Variants in NSMCE2 observed in about 807,000 individuals in gnomAD.
NSMCE2 encodes NSE2 SUMO ligase component of SMC5/6 complex.
A neutral mutation model predicts 23.8 loss-of-function variants in NSMCE2; 24 were observed. That is an observed-to-expected ratio of 1.01 (90% CI 0.73 to 1.42). The LOEUF (loss-of-function observed/expected upper bound fraction) is 1.42, where lower values mean the gene tolerates loss of function less well. Ranked by LOEUF, NSMCE2 falls within the 40% of genes most tolerant of loss-of-function variation. The probability of loss-of-function intolerance (pLI) is 0.00; values close to 1 mark genes in which losing one functional copy is unlikely to be tolerated. For missense variants in NSMCE2, 284 were observed against 296.5 expected (o/e 0.96, Z 0.31); for synonymous variants, 92 against 94.1 (o/e 0.98, Z 0.13).
At chr8:125,101,918 A>G (rs1307424724) in intron 1 of NSMCE2, 133 bp from the exon 2 acceptor site, 3 of 155,166 alleles carry the variant, frequency 1.9e-5, no homozygotes, top group African/African-American at 7.2e-5. Context: ...GGTTTTCAAA[A>G]TAGTTTACTA....
chr8:125,201,589 G>A (rs1015760335), intron 5 of NSMCE2, among the ~76,000 whole-genome samples: 7 of 152,194 alleles, frequency 4.6e-5, no homozygotes, highest in Non-Finnish European at 8.8e-5. Context: ...GCACCCGCCT[G>A]TATGAGTTGT....
At chr8:125,221,529 C>T (rs190906886) in intron 5 of NSMCE2, among the ~76,000 whole-genome samples, 1 of 152,362 alleles carries the variant, frequency 6.6e-6, no homozygotes, top group Non-Finnish European at 1.5e-5. Context: ...CAGGCATGAG[C>T]CACTGTGCCC....
At chr8:125,118,778 A>G (rs1248062694) in intron 3 of NSMCE2, among the ~76,000 whole-genome samples, 3 of 152,210 alleles carry the variant, frequency 2.0e-5, no homozygotes, top group Admixed American at 2.0e-4. Flanking sequence ...AATGAGGACT[A>G]TACCTCTCAC....
chr8:125,325,676 G>T (rs1206308901), intron 5 of NSMCE2, among the ~76,000 whole-genome samples: 1 of 152,142 alleles, frequency 6.6e-6, no homozygotes, highest in African/African-American at 2.4e-5. Context: ...ATGAAGTTGG[G>T]TGCAGTGGCT....
At chr8:125,134,836 T>C (rs1210482734) in intron 3 of NSMCE2, among the ~76,000 whole-genome samples, 2 of 151,888 alleles carry the variant, frequency 1.3e-5, no homozygotes, top group Non-Finnish European at 2.9e-5. Flanking sequence ...CCAGTGATCT[T>C]CCTGTCTCAG....
chr8:125,290,266 C>T (rs539837548), intron 5 of NSMCE2, among the ~76,000 whole-genome samples: 1 of 151,638 alleles, frequency 6.6e-6, no homozygotes, highest in Non-Finnish European at 1.5e-5. Flanking sequence ...TTAGTCAAAA[C>T]GTGACTGAAA....
intron 5 of NSMCE2, among the ~76,000 whole-genome samples, chr8:125,236,335 G>A (rs1459980635): frequency 1.3e-5 from 2 of 151,548 alleles, no homozygotes; most frequent in Admixed American, 1.3e-4. Context: ...TTACAACAAA[G>A]GATTAAATGT....
intron 3 of NSMCE2, among the ~76,000 whole-genome samples, chr8:125,122,275 A>G (rs1347406496): frequency 6.6e-6 from 1 of 151,918 alleles, no homozygotes; most frequent in Non-Finnish European, 1.5e-5. Context: ...GATCCTTACT[A>G]GGATTGTAAG....
chr8:125,256,663 C>A (rs1276942337), intron 5 of NSMCE2, among the ~76,000 whole-genome samples: 1 of 152,014 alleles, frequency 6.6e-6, no homozygotes, highest in East Asian at 1.9e-4. Flanking sequence ...CGGTGGCTCA[C>A]GCCTGTAATC....
At chr8:125,217,759 G>A (rs777428185) in intron 5 of NSMCE2, among the ~76,000 whole-genome samples, 5 of 152,080 alleles carry the variant, frequency 3.3e-5, no homozygotes, top group Non-Finnish European at 5.9e-5. Flanking sequence ...GCTGTGCTGA[G>A]GTACTTAGTG....
intron 5 of NSMCE2, among the ~76,000 whole-genome samples, chr8:125,225,576 A>G (rs370733026): frequency 7.9e-5 from 12 of 152,242 alleles, no homozygotes; most frequent in African/African-American, 2.9e-4. Context: ...CTAAGGGTAC[A>G]GTGAGCAGAG....
intron 5 of NSMCE2, among the ~76,000 whole-genome samples, chr8:125,277,502 T>C (rs928875321): frequency 5.9e-5 from 9 of 151,802 alleles, no homozygotes; most frequent in Non-Finnish European, 1.2e-4. Flanking sequence ...TGTCATCTTC[T>C]TCTTCTTCTT....
At chr8:125,267,958 G>T (rs1283852093) in intron 5 of NSMCE2, among the ~76,000 whole-genome samples, 1 of 152,000 alleles carries the variant, frequency 6.6e-6, no homozygotes, top group Non-Finnish European at 1.5e-5. Flanking sequence ...GCTGGGTGTG[G>T]TGGCTCACAA....
intron 5 of NSMCE2, among the ~76,000 whole-genome samples, chr8:125,204,333 C>G (rs960399483): frequency 6.6e-6 from 1 of 152,226 alleles, no homozygotes; most frequent in Non-Finnish European, 1.5e-5. Context: ...TGGCAACCTT[C>G]CTTGCCCAGT....
At chr8:125,199,800 T>C (rs1823787080) in intron 5 of NSMCE2, among the ~76,000 whole-genome samples, 1 of 152,192 alleles carries the variant, frequency 6.6e-6, no homozygotes, top group Non-Finnish European at 1.5e-5. Context: ...GTTATTATTG[T>C]GTGGGAGTCT....
intron 5 of NSMCE2, among the ~76,000 whole-genome samples, chr8:125,236,817 C>CTT (rs926985848): frequency 6.9e-6 from 1 of 145,362 alleles, no homozygotes; most frequent in Non-Finnish European, 1.5e-5. Context: ...TTCTTTCTTT[C>CTT]TTTTTTTTTT....
chr8:125,175,592 C>T (rs1822446496), intron 4 of NSMCE2, among the ~76,000 whole-genome samples: 1 of 152,122 alleles, frequency 6.6e-6, no homozygotes, highest in Non-Finnish European at 1.5e-5. Flanking sequence ...GGTTCAGTTA[C>T]AGGAATGACT....
chr8:125,340,019 T>TTTG (rs1830186391), intron 5 of NSMCE2, among the ~76,000 whole-genome samples: 1 of 140,964 alleles, frequency 7.1e-6, no homozygotes, highest in Non-Finnish European at 1.5e-5. Context: ...TTTGTTTTTT[T>TTTG]TTTTTTTTTT....
At chr8:125,144,474 C>A (rs1205475495) in intron 3 of NSMCE2, among the ~76,000 whole-genome samples, 1 of 152,150 alleles carries the variant, frequency 6.6e-6, no homozygotes, top group Non-Finnish European at 1.5e-5. Context: ...ACGGTATGAA[C>A]AGACCTTAGA....
Sources: allele counts gnomAD v4.1 joint callset (sites outside exome capture counted in the v4.1 genomes callset), GRCh38; gene constraint gnomAD v4.1.1; transcripts MANE v1.5; gene names NCBI Gene and HGNC (gene_info 2026-07-23, HGNC 2026-07-21).